The following CDKAL1 variants were observed in gnomAD, a reference collection of about 807,000 sequenced individuals.
The protein encoded by CDKAL1 is threonylcarbamoyladenosine tRNA methylthiotransferase.
In CDKAL1, 32 loss-of-function variants were observed where a neutral mutation model predicts 68.2. The observed-to-expected ratio is 0.47, with a 90% CI of 0.35 to 0.63. The LOEUF is 0.63. Among genes scored for constraint, CDKAL1 ranks in the 30% least tolerant of loss-of-function variants. The pLI is 0.00. For missense variants in CDKAL1, 606 were observed against 696.7 expected, an observed-to-expected ratio of 0.87 and a Z score of 1.47; for synonymous variants, 234 against 244.3, an observed-to-expected ratio of 0.96 and a Z score of 0.39.
At chr6:20,718,054 T>A (rs1457555959) in intron 5 of CDKAL1, among the ~76,000 whole-genome samples, 9 of 152,198 alleles carry the variant, frequency 5.9e-5, no homozygotes, top group Non-Finnish European at 1.3e-4. Flanking sequence ...TGAGATGTTC[T>A]TTTTGTTCAG....
At chr6:20,672,268 CTT>C (rs765798974) in intron 5 of CDKAL1, among the ~76,000 whole-genome samples, 15,187 of 117,974 alleles carry the variant, frequency 0.13, 1,101 homozygotes, top group East Asian at 0.43. Flanking sequence ...CTTTCTTTTT[CTT>C]TTTCTTTCTT....
At chr6:20,556,659 A>G (rs1764054748) in intron 4 of CDKAL1, among the ~76,000 whole-genome samples, 1 of 152,180 alleles carries the variant, frequency 6.6e-6, no homozygotes, top group East Asian at 1.9e-4. Context: ...ACATACATTT[A>G]GCTCTGCTAA....
intron 5 of CDKAL1, among the ~76,000 whole-genome samples, chr6:20,664,331 G>A (rs1286981702): frequency 6.6e-6 from 1 of 152,154 alleles, no homozygotes; most frequent in Non-Finnish European, 1.5e-5. Context: ...TAAAATGGAT[G>A]TCAAGGATCT....
At chr6:20,814,646 T>G (rs1776966925) in intron 8 of CDKAL1, among the ~76,000 whole-genome samples, 1 of 152,226 alleles carries the variant, frequency 6.6e-6, no homozygotes, top group Non-Finnish European at 1.5e-5. Context: ...CAGTTCATTT[T>G]CCTTCACTAC....
At position 21,101,708 on chromosome 6, in the gene CDKAL1, TCCTTTTTTCCCC is replaced by T. The variant is rs1223707325; in HGVS notation, c.1237-6691_1237-6680del. On this transcript the variant is annotated intron_variant, in intron 12 of 15. Coordinates refer to ENST00000274695, the MANE Select transcript of CDKAL1 (RefSeq NM_017774.3). ...ATTCCCTATATTCAGAACTGAATTA[TCCTTTTTTCCCC>T]CAGTCTCCAAAACCAGTCTCAGTCT... Among the ~76,000 whole-genome samples the T allele has an allele frequency of 5.2e-3, 797 of 152,190 alleles. 6 individuals carry two copies. Among genetic ancestry groups the T allele is most frequent in the African/African-American group, 0.017 (724 of 41,462 alleles).
chr6:20,659,813 T>C (rs944725352), intron 5 of CDKAL1, among the ~76,000 whole-genome samples: 1 of 152,160 alleles, frequency 6.6e-6, no homozygotes, highest in Non-Finnish European at 1.5e-5. Context: ...CCCATCTTCT[T>C]TGATTGTGGT....
intron 5 of CDKAL1, among the ~76,000 whole-genome samples, chr6:20,701,388 G>C (rs1332633972): frequency 6.6e-6 from 1 of 150,826 alleles, no homozygotes; most frequent in East Asian, 2.0e-4. Context: ...CTGTACTATT[G>C]CTGGAACCAA....
At chr6:20,825,750 T>C (rs187929820) in intron 8 of CDKAL1, among the ~76,000 whole-genome samples, 139 of 152,276 alleles carry the variant, frequency 9.1e-4, no homozygotes, top group African/African-American at 3.1e-3. Context: ...TAATGAATTT[T>C]AAATGGTCCC....
intron 5 of CDKAL1, among the ~76,000 whole-genome samples, chr6:20,702,464 G>A (rs1306193942): frequency 6.6e-6 from 1 of 152,210 alleles, no homozygotes; most frequent in East Asian, 1.9e-4. Flanking sequence ...TGGGGAATGA[G>A]TGCAAGGTTT....
intron 4 of CDKAL1, among the ~76,000 whole-genome samples, chr6:20,560,774 T>C (rs1489400810): frequency 6.6e-6 from 1 of 152,268 alleles, no homozygotes; most frequent in Admixed American, 6.5e-5. Context: ...GAGACTTTGC[T>C]TTTACCTCTT....
chr6:20,989,683 T>C (rs1766688112), intron 10 of CDKAL1, among the ~76,000 whole-genome samples: 2 of 152,176 alleles, frequency 1.3e-5, no homozygotes, highest in Non-Finnish European at 2.9e-5. Flanking sequence ...ACAAAGGCAA[T>C]TGTGTGTGGA....
At chr6:21,087,571 G>A (rs56798125) in intron 12 of CDKAL1, among the ~76,000 whole-genome samples, 3,798 of 152,122 alleles carry the variant, frequency 0.025, 161 homozygotes, top group African/African-American at 0.084. Flanking sequence ...CTTCTACTCC[G>A]TTCCTATAGT....
chr6:20,832,929 T>C (rs1777777278), intron 8 of CDKAL1, among the ~76,000 whole-genome samples: 1 of 152,168 alleles, frequency 6.6e-6, no homozygotes, highest in South Asian at 2.1e-4. Flanking sequence ...GATTAAATGG[T>C]CCTGAGTGCA....
chr6:20,756,045 C>T (rs1774156027), intron 6 of CDKAL1: 2 of 152,144 alleles, frequency 1.3e-5, no homozygotes, highest in Admixed American at 1.3e-4. Flanking sequence ...TACCCCTAAC[C>T]TCTTCTTTCA....
chr6:21,121,105 C>G (rs1273597014), intron 13 of CDKAL1, among the ~76,000 whole-genome samples: 1 of 152,160 alleles, frequency 6.6e-6, no homozygotes, highest in Non-Finnish European at 1.5e-5. Context: ...CCCCACACCC[C>G]TGCTATACAC....
intron 9 of CDKAL1, among the ~76,000 whole-genome samples, chr6:20,866,622 G>A (rs1453979412): frequency 1.3e-5 from 2 of 152,172 alleles, no homozygotes; most frequent in African/African-American, 4.8e-5. Context: ...TTAGTGGATA[G>A]AATCATTAGA....
intron 9 of CDKAL1, among the ~76,000 whole-genome samples, chr6:20,918,463 G>A (rs1400993913): frequency 2.0e-5 from 3 of 152,300 alleles, no homozygotes; most frequent in African/African-American, 4.8e-5. Flanking sequence ...TTATGAGTTT[G>A]TGATATTTGG....
intron 10 of CDKAL1, among the ~76,000 whole-genome samples, chr6:20,990,521 T>G (rs1419865664): frequency 2.0e-5 from 3 of 152,230 alleles, no homozygotes; most frequent in African/African-American, 7.2e-5. Context: ...TCTTAGCAGT[T>G]TAGAAGAGAA....
chr6:20,854,336 G>A (rs952012988), intron 9 of CDKAL1, among the ~76,000 whole-genome samples: 1 of 152,144 alleles, frequency 6.6e-6, no homozygotes, highest in Non-Finnish European at 1.5e-5. Flanking sequence ...CTGTTATGCC[G>A]AAGTCTCTGA....
Sources: gnomAD v4.1 joint callset for allele counts (sites outside exome capture counted in the v4.1 genomes callset) on GRCh38, gnomAD v4.1.1 for gene constraint, MANE v1.5 for transcripts, NCBI Gene and HGNC (gene_info 2026-07-23, HGNC 2026-07-21) for gene names.